Variants in NTM observed in about 807,000 individuals in gnomAD.
NTM encodes IgLON family member 2.
NTM carries 13 observed loss-of-function variants against 42.1 expected under a neutral mutation model. The observed-to-expected ratio is 0.31, with a 90% CI of 0.20 to 0.49. NTM has a LOEUF of 0.49. Ranked by LOEUF, NTM falls within the 20% of genes least tolerant of loss-of-function variation. NTM has a pLI of 0.99. For missense variants in NTM, 373 were observed against 452.8 expected, an observed-to-expected ratio of 0.82 and a Z score of 1.60; for synonymous variants, 187 against 179.2, an observed-to-expected ratio of 1.04 and a Z score of -0.35.
At chr11:131,880,028 T>C (rs1377878146) in intron 1 of NTM, among the ~76,000 whole-genome samples, 1 of 152,238 alleles carries the variant, frequency 6.6e-6, no homozygotes, top group Non-Finnish European at 1.5e-5. Flanking sequence ...GGACAGGAGA[T>C]AAGAGGCTGG....
intron 1 of NTM, among the ~76,000 whole-genome samples, chr11:131,697,700 T>C (rs2075618084): frequency 6.6e-6 from 1 of 152,252 alleles, no homozygotes; most frequent in Admixed American, 6.5e-5. Flanking sequence ...TACTTTTCAA[T>C]GTCCTTTAAT....
chr11:132,071,557 C>T (rs2057676419), intron 2 of NTM, among the ~76,000 whole-genome samples: 1 of 152,168 alleles, frequency 6.6e-6, no homozygotes, highest in African/African-American at 2.4e-5. Context: ...AATTAAAGAT[C>T]ATGAAAATAC....
intron 1 of NTM, among the ~76,000 whole-genome samples, chr11:131,730,710 C>G (rs774067143): frequency 9.1e-6 from 1 of 109,464 alleles, no homozygotes; most frequent in Non-Finnish European, 2.1e-5. Flanking sequence ...CACAGTAGAC[C>G]CTATCTGTTA....
chr11:132,143,998 A>G lies in NTM; in HGVS notation c.168-2284A>G, dbSNP rs776901684. 2.0e-5 allele frequency among the ~76,000 whole-genome samples: 3 copies of G among 152,214 alleles called. No individual in the cohort carries two copies. The East Asian group carries it at 5.8e-4, about 29-fold the overall frequency. ...AAAGGCTTGGATCAGTTCAAACTTC[A>G]TGTGCATTCAGGTTACCTGGACATC... On this transcript the variant is annotated intron_variant, in intron 2 of 8. Transcript: ENST00000683400.
chr11:132,111,088 A>G (rs1255429847), intron 2 of NTM, among the ~76,000 whole-genome samples: 3 of 121,668 alleles, frequency 2.5e-5, no homozygotes, highest in East Asian at 2.2e-4. Flanking sequence ...AAAAAAAAAA[A>G]AAAAAAAAAA....
At chr11:131,410,529 A>AAC (rs1238959855) in intron 1 of NTM, among the ~76,000 whole-genome samples, 11 of 148,500 alleles carry the variant, frequency 7.4e-5, no homozygotes, top group Non-Finnish European at 1.5e-4. Flanking sequence ...AAAAAAAAAA[A>AAC]AAAAAAAAAA....
intron 1 of NTM, among the ~76,000 whole-genome samples, chr11:131,523,877 G>A (rs906501836): frequency 5.9e-5 from 9 of 151,896 alleles, no homozygotes; most frequent in African/African-American, 2.2e-4. Context: ...TCTCTGTGCA[G>A]TTTGAAAATA....
At chr11:132,282,408 G>A (rs968146442) in intron 4 of NTM, among the ~76,000 whole-genome samples, 8 of 152,202 alleles carry the variant, frequency 5.3e-5, no homozygotes, top group Non-Finnish European at 1.2e-4. Context: ...TGGTTTCCAA[G>A]TTTACACAAA....
intron 1 of NTM, among the ~76,000 whole-genome samples, chr11:131,714,633 C>T (rs188918035): frequency 2.7e-4 from 41 of 152,298 alleles, no homozygotes; most frequent in Non-Finnish European, 5.3e-4. Flanking sequence ...CCTTTTCTAC[C>T]TTGCTCATGT....
At chr11:132,308,079 G>A (rs943651939) in intron 5 of NTM, among the ~76,000 whole-genome samples, 1 of 152,194 alleles carries the variant, frequency 6.6e-6, no homozygotes, top group Non-Finnish European at 1.5e-5. Context: ...TGCATGGCTG[G>A]CAGATCATTA....
At chr11:132,162,954 G>T (rs2074640621) in intron 3 of NTM, among the ~76,000 whole-genome samples, 2 of 152,078 alleles carry the variant, frequency 1.3e-5, no homozygotes, top group African/African-American at 4.8e-5. Flanking sequence ...GAGGGAAAAG[G>T]GAAGAGCAGC....
Position 131,656,269 on chromosome 11 carries a change from G to T in NTM, c.83-255295G>T, listed in dbSNP as rs116062129. On this transcript the variant is annotated intron_variant, in intron 1 of 8. Transcript: ENST00000683400. The stretch of plus-strand genomic sequence containing the variant: ...TCCATACCACCACCATCCCAGTTAC[G>T]GGGGTGGCTGGAGAAAAGATTTTAA... 1.9e-3 allele frequency among the ~76,000 whole-genome samples: 290 copies of T among 152,318 alleles called. 1 individual carries two copies. The highest frequency in any genetic ancestry group is 6.5e-3 in the African/African-American group (271 of 41,572).
chr11:132,061,281 T>C (rs1467898017), intron 2 of NTM, among the ~76,000 whole-genome samples: 1 of 152,226 alleles, frequency 6.6e-6, no homozygotes, highest in Non-Finnish European at 1.5e-5. Flanking sequence ...TTTGTGTACG[T>C]TCTAATAGAA....
chr11:131,507,169 C>A lies in NTM; in HGVS notation c.82+136281C>A, dbSNP rs115607665. 6.3e-3 allele frequency among the ~76,000 whole-genome samples: 959 copies of A among 152,272 alleles called. 7 individuals are homozygous for A. Among genetic ancestry groups the A allele is most frequent in the African/African-American group, 0.022 (925 of 41,550 alleles). ...AAATAACATGGCAGGCCTTAAACAA[C>A]TTGTTGCAGGGAACCTAAGTTGAAA... On this transcript the variant is annotated intron_variant, in intron 1 of 8. Transcript: ENST00000683400.
rs1379908191 is a variant in NTM, at chr11:132,070,585, C to CGTCAAACTGACCATCACAG, written c.168-75694_168-75676dup. On this transcript the variant is annotated intron_variant, in intron 2 of 8. Coordinates refer to ENST00000683400, the MANE Select transcript of NTM (RefSeq NM_001352005.2). ...AACACGTCACACAGCCAAGTTAACACGTCAAACTGACCATCACAGGTTAGT... is the reference window on the plus strand; with the variant it reads ...AACACGTCACACAGCCAAGTTAACACGTCAAACTGACCATCACAGGTCAAACTGACCATCACAGGTTAGT... 1.2e-4 allele frequency among the ~76,000 whole-genome samples: 15 copies of CGTCAAACTGACCATCACAG among 127,800 alleles called. No individual in the cohort carries two copies. The East Asian group carries it at 3.0e-3, about 26-fold the overall frequency. 83.8% of individuals were successfully genotyped at this position (127,800 alleles called of 152,430 possible). A position where few individuals can be genotyped will look rare whatever the true frequency, so the allele number is the denominator to read the frequency against.
intron 2 of NTM, among the ~76,000 whole-genome samples, chr11:132,145,596 G>A (rs1018863363): frequency 2.6e-5 from 4 of 152,204 alleles, no homozygotes; most frequent in African/African-American, 9.6e-5. Flanking sequence ...ATTTTTATAT[G>A]TGCAGACAGT....
intron 4 of NTM, among the ~76,000 whole-genome samples, chr11:132,292,076 G>A (rs1366060856): frequency 1.3e-5 from 2 of 152,184 alleles, no homozygotes; most frequent in Non-Finnish European, 2.9e-5. Context: ...ATCCAGTACA[G>A]CAAAAGCAGG....
intron 2 of NTM, among the ~76,000 whole-genome samples, chr11:131,933,507 C>G (rs1472046366): frequency 6.6e-6 from 1 of 152,250 alleles, no homozygotes; most frequent in Admixed American, 6.5e-5. Context: ...GTTTTCCACT[C>G]TAGCTGCTGG....
intron 2 of NTM, among the ~76,000 whole-genome samples, chr11:132,060,220 G>T (rs756171338): frequency 6.6e-6 from 1 of 152,222 alleles, no homozygotes; most frequent in Non-Finnish European, 1.5e-5. Flanking sequence ...CCTGGGCTTC[G>T]TTCTAGATTC....
Sources: gnomAD v4.1 joint callset for allele counts (sites outside exome capture counted in the v4.1 genomes callset) on GRCh38, gnomAD v4.1.1 for gene constraint, MANE v1.5 for transcripts, NCBI Gene and HGNC (gene_info 2026-07-23, HGNC 2026-07-21) for gene names.